Variants in PLCE1 observed in about 807,000 individuals in gnomAD.
The protein encoded by PLCE1 is phospholipase C epsilon 1, also known as 1-phosphatidylinositol 4,5-bisphosphate phosphodiesterase epsilon-1.
Under a neutral mutation model 242.8 loss-of-function variants are expected in PLCE1, and 119 were observed. The observed-to-expected ratio is 0.49, with a 90% CI of 0.42 to 0.57. The LOEUF is 0.57. Among genes scored for constraint, PLCE1 ranks in the 20% least tolerant of loss-of-function variants. The pLI is 0.00. For synonymous variants in PLCE1, 945 were observed against 1,017.4 expected (o/e 0.93, Z 1.35); for missense variants, 2,441 against 2,788.8 (o/e 0.88, Z 2.81).
chr10:94,272,712 A>C (rs963915124), intron 18 of PLCE1, among the ~76,000 whole-genome samples: 10 of 152,162 alleles, frequency 6.6e-5, no homozygotes. Context: ...TTCCCACAAC[A>C]ATAATGCACC....
chr10:94,072,925 G>T (rs910307931), intron 2 of PLCE1, among the ~76,000 whole-genome samples: 8 of 151,990 alleles, frequency 5.3e-5, no homozygotes, highest in African/African-American at 1.9e-4. Flanking sequence ...GGTGCTGATG[G>T]GGGAGAGGGT....
At chr10:94,206,740 A>G (rs539151908) in intron 4 of PLCE1, among the ~76,000 whole-genome samples, 1 of 152,322 alleles carries the variant, frequency 6.6e-6, no homozygotes, top group Admixed American at 6.5e-5. Flanking sequence ...TGCTGCTCTG[A>G]GGAGCCCTAG....
At chr10:94,051,988 C>G (rs995767048) in intron 2 of PLCE1, among the ~76,000 whole-genome samples, 4 of 152,208 alleles carry the variant, frequency 2.6e-5, no homozygotes, top group African/African-American at 9.6e-5. Flanking sequence ...TTCACACTTT[C>G]CTGTGAATTC....
chr10:94,050,705 T>A (rs530414060), intron 2 of PLCE1, among the ~76,000 whole-genome samples: 1 of 150,468 alleles, frequency 6.6e-6, no homozygotes, highest in East Asian at 2.0e-4. Flanking sequence ...AAATAAAAAT[T>A]TAAAAGAAAA....
In PLCE1 at chr10:94,293,705, G is replaced by C; in HGVS notation, c.5167+66G>C. Reference sequence around the variant, plus strand: ...TGCTGGATGATTTAGATATTTTACTGTCTAAGCACTTCCCTTGAATTTTTT... The same window carrying C: ...TGCTGGATGATTTAGATATTTTACTCTCTAAGCACTTCCCTTGAATTTTTT... On this transcript the variant is annotated intron_variant, in intron 23 of 32. Coordinates refer to ENST00000371380, the MANE Select transcript of PLCE1 (RefSeq NM_016341.4). 3.3e-6 allele frequency: 5 copies of C among 1,529,070 alleles called. No homozygotes were observed. In the South Asian group the frequency reaches 5.6e-5, roughly 17 times the overall value. 94.7% of individuals were successfully genotyped at this position (1,529,070 alleles called of 1,614,324 possible).
At chr10:94,237,910 C>T (rs2050376307) in intron 7 of PLCE1, among the ~76,000 whole-genome samples, 2 of 152,136 alleles carry the variant, frequency 1.3e-5, no homozygotes, top group African/African-American at 4.8e-5. Flanking sequence ...CTGGCTGAAA[C>T]AGAGACTCTA....
At chr10:94,030,465 G>T (rs2061535191) in intron 1 of PLCE1, among the ~76,000 whole-genome samples, 1 of 151,048 alleles carries the variant, frequency 6.6e-6, no homozygotes. Flanking sequence ...AGTTATTTAA[G>T]GTGGATGAAT....
chr10:94,034,636 C>T (rs1363291196), intron 2 of PLCE1, among the ~76,000 whole-genome samples: 3 of 152,116 alleles, frequency 2.0e-5, no homozygotes, highest in East Asian at 3.9e-4. Flanking sequence ...TTGATGCTCA[C>T]GGTATCTCAG....
In PLCE1 at chr10:94,259,119, T is replaced by A. The variant is rs1434225252; in HGVS notation, c.3783T>A (p.Asp1261Glu). ...SAPLYTNLTI[D>E]ENTSDLQPDL... ...CACTCTACACCAACCTGACAATTGATGAAAACACCAGCGATCTTCAGCCTG... is the reference window on the plus strand; with the variant it reads ...CACTCTACACCAACCTGACAATTGAAGAAAACACCAGCGATCTTCAGCCTG... Residue 1261 changes from aspartate to glutamate, a missense_variant, in exon 13 of 33, where the codon GAT (aspartate) becomes GAA (glutamate). Around this residue, in one of 5 missense-constraint regions of PLCE1, gnomAD observed 1,004 missense variants for 1,322.7 expected, o/e 0.76. Transcript: ENST00000371380. 4 of 1,613,960 alleles carry A rather than the reference T, an allele frequency of 2.5e-6. No homozygotes were observed.
At chr10:94,144,045 G>A (rs2047045834) in intron 3 of PLCE1, among the ~76,000 whole-genome samples, 1 of 152,164 alleles carries the variant, frequency 6.6e-6, no homozygotes, top group South Asian at 2.1e-4. Flanking sequence ...AATAGATGTT[G>A]TTGTGGATGA....
At chr10:94,247,002 C>T (rs2050706770) in intron 8 of PLCE1, among the ~76,000 whole-genome samples, 1 of 151,578 alleles carries the variant, frequency 6.6e-6, no homozygotes, top group African/African-American at 2.4e-5. Context: ...ATCCCAGCTA[C>T]TCAGTAGGCT....
intron 4 of PLCE1, among the ~76,000 whole-genome samples, chr10:94,222,326 G>A (rs1049592597): frequency 6.6e-6 from 1 of 151,942 alleles, no homozygotes; most frequent in East Asian, 1.9e-4. Context: ...CCTAGAGGAG[G>A]TAAGCTTCAT....
In PLCE1 at chr10:94,316,667, G is replaced by T; in HGVS notation, c.6253G>T (p.Gly2085Cys). Residue 2085 changes from glycine (G) to cysteine (C), a missense_variant, in exon 29 of 33, where the codon GGT becomes TGT. Coordinates refer to ENST00000371380, the MANE Select transcript of PLCE1 (RefSeq NM_016341.4). The part of the protein sequence containing the change: ...CRKQPFQRAI[G>C]PEEEIMQILS... ...GAAACAACCATTCCAGAGAGCCATT[G>T]GTCCAGAAGAGGAGATCATGCAAAT... is the stretch of plus-strand genomic sequence containing the variant. 1 of 1,613,550 alleles carries T rather than the reference G, an allele frequency of 6.2e-7. No homozygotes were observed. The highest frequency in any genetic ancestry group is 8.5e-7 in the Non-Finnish European group (1 of 1,179,456).
chr10:94,248,020 C>A (rs554287316), intron 8 of PLCE1, among the ~76,000 whole-genome samples: 2 of 152,310 alleles, frequency 1.3e-5, no homozygotes, highest in South Asian at 4.1e-4. Flanking sequence ...TGTCACAGAA[C>A]AAATAGAACT....
chr10:94,262,755 C>T, intron 14 of PLCE1, 23 bp downstream of exon 14: 2 of 1,447,204 alleles, frequency 1.4e-6, no homozygotes, highest in Non-Finnish European at 1.9e-6. Context: ...TTTGTGTGTG[C>T]ATGTGTGTGT....
chr10:94,144,377 T>A (rs1447418298), intron 3 of PLCE1, among the ~76,000 whole-genome samples: 2 of 152,172 alleles, frequency 1.3e-5, no homozygotes, highest in Non-Finnish European at 2.9e-5. Context: ...GGAGGTTCAT[T>A]TGACTACAGA....
At chr10:94,092,500 T>C (rs2045117795) in intron 2 of PLCE1, among the ~76,000 whole-genome samples, 1 of 152,174 alleles carries the variant, frequency 6.6e-6, no homozygotes, top group Non-Finnish European at 1.5e-5. Flanking sequence ...AGGGACATCT[T>C]TGAAAAAATA....
intron 22 of PLCE1, chr10:94,286,965 A>G (rs2133367869): frequency 6.6e-6 from 1 of 152,326 alleles, no homozygotes; most frequent in South Asian, 2.1e-4. Flanking sequence ...CCACACTCGG[A>G]CCATTCCACT....
chr10:94,143,699 G>T (rs530486923), intron 3 of PLCE1, among the ~76,000 whole-genome samples: 1 of 152,030 alleles, frequency 6.6e-6, no homozygotes, highest in Admixed American at 6.5e-5. Context: ...TATTTTTAAC[G>T]GTGTTTAGAT....
Sources: gnomAD v4.1 joint callset for allele counts (sites outside exome capture counted in the v4.1 genomes callset) on GRCh38, gnomAD v4.1.1 for gene constraint, gnomAD v4.1.1 regional missense constraint, MANE v1.5 for transcripts, NCBI Gene and HGNC (gene_info 2026-07-23, HGNC 2026-07-21) for gene names.